The following USP13 variants were observed in gnomAD, a reference collection of about 807,000 sequenced individuals.
The protein encoded by USP13 is ubiquitin carboxyl-terminal hydrolase 13.
In USP13, 68 loss-of-function variants were observed where a neutral mutation model predicts 107.8. That is an observed-to-expected ratio of 0.63 (90% CI 0.52 to 0.77). USP13 has a LOEUF of 0.77. Ranked by LOEUF, USP13 falls within the 30% of genes least tolerant of loss-of-function variation. The pLI, the probability that USP13 is intolerant of heterozygous loss-of-function variation, is 0.00. For missense variants in USP13, 945 were observed against 1,093.3 expected (o/e 0.86, Z 1.91); for synonymous variants, 377 against 389.5 (o/e 0.97, Z 0.38).
At chr3:179,658,604 C>T (rs1264801879) in intron 1 of USP13, among the ~76,000 whole-genome samples, 1 of 152,178 alleles carries the variant, frequency 6.6e-6, no homozygotes, top group Admixed American at 6.5e-5. Flanking sequence ...AGAAGGAAAG[C>T]CAGTCCAAGA....
chr3:179,729,195 G>A lies in USP13; in HGVS notation c.1089-994G>A, dbSNP rs116373681. On this transcript the variant is annotated intron_variant, in intron 8 of 20. Transcript: ENST00000263966. ...GATTTATAAACAAGGAGTTGGGTGG[G>A]GCCAGGGGATGGAAAATCACAAAGA... Among the ~76,000 whole-genome samples the A allele has an allele frequency of 5.6e-3, 856 of 152,222 alleles. 7 individuals carry two copies. The highest frequency in any genetic ancestry group is 9.3e-3 in the Non-Finnish European group (631 of 68,008).
intron 2 of USP13, 91 bp from the exon 3 acceptor site, chr3:179,690,150 T>C (rs948550890): frequency 8.0e-7 from 1 of 1,256,194 alleles, no homozygotes; most frequent in East Asian, 2.3e-5. Context: ...TGGCCTTCTG[T>C]AAAAACTAGG....
At chr3:179,719,602 A>G (rs1232101827) in intron 6 of USP13, among the ~76,000 whole-genome samples, 1 of 152,174 alleles carries the variant, frequency 6.6e-6, no homozygotes, top group African/African-American at 2.4e-5. Flanking sequence ...GCTCAGAGTT[A>G]TGCCACTGTG....
At position 179,742,489 on chromosome 3, in the gene USP13, C is replaced by T. The variant is rs1714240230; in HGVS notation, c.1534+139C>T. On this transcript the variant is annotated intron_variant, in intron 12 of 20. Coordinates refer to ENST00000263966, the MANE Select transcript of USP13 (RefSeq NM_003940.3). The surrounding 1 kb of genome is among the most constrained non-coding windows in gnomAD (Gnocchi z 5.0). ...GATGTCTGCTTTGCACATCTCTTTTCATCTCTTTGTTAGTTCCCATGTGAC... is the reference window on the plus strand; with the variant it reads ...GATGTCTGCTTTGCACATCTCTTTTTATCTCTTTGTTAGTTCCCATGTGAC... The T allele has an allele frequency of 1.8e-5, 19 of 1,072,340 alleles. No individual in the cohort carries two copies. The highest frequency in any genetic ancestry group is 2.5e-5 in the Non-Finnish European group (19 of 752,024). The allele number at this position is 1,072,340 out of a possible 1,614,324, so 66.4% of individuals were successfully genotyped here. A position where few individuals can be genotyped will look rare whatever the true frequency, so the allele number is the denominator to read the frequency against.
chr3:179,731,860 CTG>C (rs1348518980), intron 10 of USP13, among the ~76,000 whole-genome samples: 2 of 152,158 alleles, frequency 1.3e-5, no homozygotes, highest in African/African-American at 4.8e-5. Flanking sequence ...TCGTTCAGTT[CTG>C]TGTCTCAAGT....
chr3:179,718,564 T>C (rs1713189154), intron 6 of USP13, among the ~76,000 whole-genome samples: 1 of 152,176 alleles, frequency 6.6e-6, no homozygotes, highest in African/African-American at 2.4e-5. Flanking sequence ...GAGCTTCTTT[T>C]CCTTATCTGC....
rs750086352 is a variant in USP13 at position 179,764,033 on chromosome 3, T to C, written c.2124T>C (p.Tyr708=). Residue 708 remains tyrosine, a synonymous_variant, in exon 18 of 21, where the codon TAT becomes TAC. Transcript: ENST00000263966. ...DFAEPLTMPG[Y]GGAASAGASV... ...CTGAGCCGCTGACCATGCCTGGTTA[T>C]GGAGGGGCAGCTTCTGCTGGAGCCT... The C allele has an allele frequency of 5.0e-6, 8 of 1,613,812 alleles. No homozygotes were observed. The highest frequency in any genetic ancestry group is 3.3e-5 in the Admixed American group (2 of 59,990).
intron 1 of USP13, among the ~76,000 whole-genome samples, chr3:179,661,151 G>C (rs1169858872): frequency 6.6e-6 from 1 of 152,170 alleles, no homozygotes; most frequent in Non-Finnish European, 1.5e-5. Context: ...TTCATGTTAT[G>C]AAAATAGTTT....
chr3:179,718,130 T>A (rs1713172062), intron 6 of USP13, among the ~76,000 whole-genome samples: 1 of 152,186 alleles, frequency 6.6e-6, no homozygotes, highest in Non-Finnish European at 1.5e-5. Flanking sequence ...ATATTCATTT[T>A]CCTTGTTACA....
intron 2 of USP13, among the ~76,000 whole-genome samples, chr3:179,689,636 C>T (rs941674474): frequency 2.8e-4 from 42 of 149,942 alleles, no homozygotes; most frequent in Non-Finnish European, 5.0e-4. Flanking sequence ...CCAGCCTGGG[C>T]GACTGTGTGA....
chr3:179,673,698 T>C (rs1490134327), intron 1 of USP13, among the ~76,000 whole-genome samples: 1 of 152,064 alleles, frequency 6.6e-6, no homozygotes, highest in Admixed American at 6.6e-5. Context: ...GAGGAGGCAT[T>C]GATGGGGCTG....
In USP13 at chr3:179,653,453, G is replaced by A. The variant is rs541447591; in HGVS notation, c.168+60G>A. ...CGGCGGCCTGCGGCACGTGAAGCCG[G>A]GGGAGAAGATGCGCAGTGGCGGCCG... On this transcript the variant is annotated intron_variant, in intron 1 of 20. Transcript: ENST00000263966. This position sits in a 1 kb window ranked among gnomAD's most constrained non-coding sequence, Gnocchi z 4.0. The A allele has an allele frequency of 8.5e-6, 13 of 1,524,334 alleles. No homozygotes were observed. Among genetic ancestry groups the A allele is most frequent in the Non-Finnish European group, 7.1e-6 (8 of 1,131,662 alleles). 94.4% of individuals were successfully genotyped at this position (1,524,334 alleles called of 1,614,324 possible).
intron 14 of USP13, among the ~76,000 whole-genome samples, chr3:179,752,933 A>AT (rs1315406901): frequency 6.6e-6 from 1 of 152,208 alleles, no homozygotes; most frequent in Non-Finnish European, 1.5e-5. Context: ...AAAGGATGTG[A>AT]TTTTGGCTTC....
intron 12 of USP13, among the ~76,000 whole-genome samples, chr3:179,743,313 C>A (rs1338978387): frequency 6.6e-6 from 1 of 151,662 alleles, no homozygotes; most frequent in Non-Finnish European, 1.5e-5. Flanking sequence ...CAAACCGCCA[C>A]GGCACACATA....
Position 179,681,973 on chromosome 3 carries a change from A to G in USP13, c.264A>G (p.Val88=), listed in dbSNP as rs760177841. The change falls in exon 2 of 21, where the codon GTA becomes GTG. Residue 88 remains valine (V), a synonymous_variant. Transcript: ENST00000263966. ...ATTTTCGAAAAACTGGACAGAGTGT[A>G]TACATGCACCTGAAAAGACATGTGC... ...ERHFRKTGQS[V]YMHLKRHVRE... is the part of the protein sequence containing the mutation. The G allele has an allele frequency of 1.4e-5, 23 of 1,613,980 alleles. No homozygotes were observed. Among genetic ancestry groups the G allele is most frequent in the Non-Finnish European group, 1.6e-5 (19 of 1,179,918 alleles).
intron 18 of USP13, 40 bp from the exon 19 acceptor site, chr3:179,765,655 G>A (rs1288394843): frequency 3.7e-6 from 6 of 1,606,270 alleles, no homozygotes; most frequent in Admixed American, 1.7e-5. Context: ...GCCTGAGGCT[G>A]CATGCATTGT....
At chr3:179,756,412 AAAAACAAAC>A (rs1384538027) in intron 15 of USP13, among the ~76,000 whole-genome samples, 1 of 103,254 alleles carries the variant, frequency 9.7e-6, no homozygotes, top group Non-Finnish European at 2.0e-5. Context: ...CCTGTCTCAA[AAAAACAAAC>A]AAACAAACAA....
rs760252339 is a variant in USP13 at position 179,730,713 on chromosome 3, T to C, written c.1254+4T>C. 1.9e-6 allele frequency: 3 copies of C among 1,613,612 alleles called. No homozygotes were observed. The highest frequency in any genetic ancestry group is 1.3e-5 in the African/African-American group (1 of 74,916). On this transcript the variant is annotated splice_donor_region_variant and intron_variant, in intron 10 of 20. Transcript: ENST00000263966. ...GGTGATGAAGGAGGAGCACAAGGTA[T>C]GTGTCCGAGCGTTTGCCATGTTGAC...
At chr3:179,698,822 A>G (rs1420459540) in intron 3 of USP13, among the ~76,000 whole-genome samples, 1 of 151,942 alleles carries the variant, frequency 6.6e-6, no homozygotes, top group Non-Finnish European at 1.5e-5. Context: ...CTGTTCCTAC[A>G]TAGTCTAAAT....
Sources: allele counts gnomAD v4.1 joint callset (sites outside exome capture counted in the v4.1 genomes callset), GRCh38; gene constraint gnomAD v4.1.1; non-coding constraint Gnocchi (gnomAD v3.1); transcripts MANE v1.5; gene names NCBI Gene and HGNC (gene_info 2026-07-23, HGNC 2026-07-21).